Variants in AMOT observed in about 807,000 individuals in gnomAD.
AMOT encodes angiomotin.
Under a neutral mutation model 67.0 loss-of-function variants are expected in AMOT, and 11 were observed. The observed-to-expected ratio is 0.16, with a 90% CI of 0.10 to 0.27. The LOEUF (loss-of-function observed/expected upper bound fraction) is 0.27. AMOT is among the 10% of genes least tolerant of loss of function. The probability of loss-of-function intolerance (pLI) is 1.00; values close to 1 mark genes in which losing one functional copy is unlikely to be tolerated. For missense variants in AMOT, 753 were observed against 852.0 expected, an observed-to-expected ratio of 0.88 and a Z score of 1.45; for synonymous variants, 326 against 321.4, an observed-to-expected ratio of 1.01 and a Z score of -0.15.
chrX:112,788,028 A>G (rs778286125), intron 10 of AMOT, among the ~76,000 whole-genome samples: 15 of 111,330 alleles, frequency 1.3e-4, no homozygotes, highest in Non-Finnish European at 2.6e-4. Context: ...GGTGGCTCAC[A>G]CCTGTAATCC....
At chrX:112,794,811 T>C (rs954296226) in intron 8 of AMOT, among the ~76,000 whole-genome samples, 3 of 111,926 alleles carry the variant, frequency 2.7e-5, no homozygotes. Flanking sequence ...GGTTTGTTCT[T>C]TTTTAGAGAA....
intron 2 of AMOT, among the ~76,000 whole-genome samples, chrX:112,830,506 A>T (rs951722457): frequency 8.9e-6 from 1 of 112,656 alleles, no homozygotes; most frequent in East Asian, 2.8e-4. Context: ...ATGGGTCAAG[A>T]AGCATAAATG....
In AMOT at chrX:112,780,978, G is replaced by T; in HGVS notation, c.2381C>A (p.Ala794Asp). 1.7e-6 allele frequency: 2 copies of T among 1,212,063 alleles called. No homozygotes were observed. Among genetic ancestry groups the T allele is most frequent in the Non-Finnish European group, 1.1e-6 (1 of 895,565 alleles). ...TGAGTGGGAGAGCAAGCCTGATCCA[G>T]CATTGGAAATGGACATCAGAGACTT... ...PAKSLMSISN[A>D]GSGLLSHSST... Residue 794 changes from alanine to aspartate, a missense_variant, in exon 12 of 14, where the codon GCT (alanine) becomes GAT (aspartate). Physicochemically the swap from Ala to Asp is moderately radical, Grantham distance 126. Around this residue, in one of 5 missense-constraint regions of AMOT, gnomAD observed 269 missense variants for 300.9 expected, o/e 0.89. Transcript: ENST00000371959.
At chrX:112,827,568 G>GA (rs1280668629) in intron 2 of AMOT, among the ~76,000 whole-genome samples, 1 of 111,575 alleles carries the variant, frequency 9.0e-6, no homozygotes, top group Admixed American at 9.5e-5. Context: ...TATTTGATAG[G>GA]AAAAAAAGAA....
intron 8 of AMOT, among the ~76,000 whole-genome samples, chrX:112,792,309 T>A (rs971174605): frequency 3.6e-5 from 4 of 112,646 alleles, no homozygotes; most frequent in African/African-American, 1.3e-4. Flanking sequence ...CACATCCTTA[T>A]CTCTGGCCTT....
intron 10 of AMOT, 35 bp from the exon 11 acceptor site, chrX:112,782,697 A>T: frequency 1.7e-6 from 2 of 1,182,113 alleles, no homozygotes; most frequent in Non-Finnish European, 2.3e-6. Flanking sequence ...AGATGGGAGC[A>T]TAGCAAGATC....
In AMOT at chrX:112,795,248, C is replaced by CTGTGTGTGTG. The variant is rs575390682; in HGVS notation, c.1777-3277_1777-3268dup. Among the ~76,000 whole-genome samples, 213 of 104,207 alleles carry CTGTGTGTGTG rather than the reference C, an allele frequency of 2.0e-3. 1 individual carries two copies. The highest frequency in any genetic ancestry group is 3.2e-3 in the Non-Finnish European group (161 of 50,624). The allele number at this position is 104,207 out of a possible 115,157, so 90.5% of individuals were successfully genotyped here. On this transcript the variant is annotated intron_variant, in intron 8 of 13. Coordinates refer to ENST00000371959, the MANE Select transcript of AMOT (RefSeq NM_001113490.2). ...CTTCCCTCTTTCTCTGTCTCTCTCTCTGTGTGTGTGTGTGTGTGTGTGTGT... is the reference window on the plus strand; with the variant it reads ...CTTCCCTCTTTCTCTGTCTCTCTCTCTGTGTGTGTGTGTGTGTGTGTGTGTGTGTGTGTGT...
intron 1 of AMOT, among the ~76,000 whole-genome samples, chrX:112,836,741 G>C (rs1273761550): frequency 9.2e-6 from 1 of 108,170 alleles, no homozygotes. Flanking sequence ...TCTTTAACAT[G>C]ATGACTAGAT....
At chrX:112,778,867 TTC>T in intron 13 of AMOT, 128 bp downstream of exon 13, 2 of 778,939 alleles carry the variant, frequency 2.6e-6, no homozygotes, top group Non-Finnish European at 3.8e-6. Context: ...ACAGACTCTC[TTC>T]TCTCTCCTTT....
chrX:112,794,327 CA>C (rs1933721328), intron 8 of AMOT, among the ~76,000 whole-genome samples: 1 of 111,942 alleles, frequency 8.9e-6, no homozygotes, highest in Non-Finnish European at 1.9e-5. Flanking sequence ...TAAAGATAGG[CA>C]TGCAGGTCAG....
chrX:112,801,361 A>G (rs1934011429), intron 8 of AMOT, among the ~76,000 whole-genome samples: 1 of 111,491 alleles, frequency 9.0e-6, no homozygotes, highest in Non-Finnish European at 1.9e-5. Context: ...CAAGGACGGA[A>G]AGGCACCATT....
chrX:112,799,660 C>G (rs1358696848), intron 8 of AMOT, among the ~76,000 whole-genome samples: 1 of 111,887 alleles, frequency 8.9e-6, no homozygotes, highest in Non-Finnish European at 1.9e-5. Flanking sequence ...TATTAGCAAG[C>G]TGCCTCTGTC....
intron 12 of AMOT, among the ~76,000 whole-genome samples, chrX:112,780,073 G>A (rs918096045): frequency 1.8e-5 from 2 of 110,670 alleles, no homozygotes; most frequent in African/African-American, 6.6e-5. Context: ...GCTCCTACTC[G>A]GCTCCACTTA....
chrX:112,796,033 T>TAAA (rs746583302), intron 8 of AMOT, among the ~76,000 whole-genome samples: 235 of 99,751 alleles, frequency 2.4e-3, no homozygotes, highest in African/African-American at 8.2e-3. Flanking sequence ...TTCAGAAGTT[T>TAAA]AAAAAAAAAA....
At chrX:112,811,571 T>G (rs1055889473) in intron 5 of AMOT, among the ~76,000 whole-genome samples, 178 bp from the exon 6 acceptor site, 1 of 111,316 alleles carries the variant, frequency 9.0e-6, no homozygotes, top group African/African-American at 3.3e-5. Context: ...CCTTCAACCA[T>G]AAGCTTAGTA....
rs372193689 is a variant in AMOT at position 112,790,756 on chromosome X, G to A, written c.1953C>T (p.Asn651=). The A allele has an allele frequency of 6.6e-4, 783 of 1,193,695 alleles. No individual in the cohort carries two copies. The highest frequency in any genetic ancestry group is 8.4e-4 in the Non-Finnish European group (744 of 887,244). Residue 651 remains asparagine, a synonymous_variant, in exon 10 of 14, where the codon AAC becomes AAT. Coordinates refer to ENST00000371959, the MANE Select transcript of AMOT (RefSeq NM_001113490.2). ...GTGCAGCAGCATTGTATTCTGAAAC[G>A]TTGGTGGGCTGACAGTTGCCCTGAC... ...QQRQGNCQPT[N]VSEYNAAALM... is the part of the protein sequence containing the mutation.
rs1479848233 is a variant in AMOT at position 112,775,214 on chromosome X, C to T, written c.*3353G>A. 6.2e-5 allele frequency: 7 copies of T among 112,639 alleles called. No individual in the cohort carries two copies. The highest frequency in any genetic ancestry group is 2.8e-4 in the Admixed American group (3 of 10,603). The allele number at this position is 112,639 out of a possible 1,213,427, so 9.3% of individuals were successfully genotyped here. A position where few individuals can be genotyped will look rare whatever the true frequency, so the allele number is the denominator to read the frequency against. On this transcript the variant is annotated 3_prime_UTR_variant, in exon 14 of 14. Transcript: ENST00000371959. The stretch of plus-strand genomic sequence containing the variant: ...ACTTGGAAGACATATTTCCAAGAAT[C>T]GTGGCAGGCTGAAATTGGTGGCAAT...
At chrX:112,800,256 A>AT (rs1231015072) in intron 8 of AMOT, among the ~76,000 whole-genome samples, 1 of 111,569 alleles carries the variant, frequency 9.0e-6, no homozygotes, top group Non-Finnish European at 1.9e-5. Flanking sequence ...AAATAAATAA[A>AT]AAATAAAAAG....
At chrX:112,787,586 G>A (rs1170155293) in intron 10 of AMOT, among the ~76,000 whole-genome samples, 2 of 111,598 alleles carry the variant, frequency 1.8e-5, no homozygotes, top group African/African-American at 6.5e-5. Context: ...TGTGGTGGTG[G>A]TTACACTATT....
Sources: gnomAD v4.1 joint callset for allele counts (sites outside exome capture counted in the v4.1 genomes callset) on GRCh38, gnomAD v4.1.1 for gene constraint, gnomAD v4.1.1 regional missense constraint, MANE v1.5 for transcripts, NCBI Gene and HGNC (gene_info 2026-07-23, HGNC 2026-07-21) for gene names.